The following RALGPS2 variants were observed in gnomAD, a reference collection of about 807,000 sequenced individuals.
RALGPS2 encodes the protein ras-specific guanine nucleotide-releasing factor RalGPS2.
A neutral mutation model predicts 86.8 loss-of-function variants in RALGPS2; 43 were observed. The ratio of observed to expected loss-of-function variants is 0.50; its 90% CI spans 0.39 to 0.64. RALGPS2 has a LOEUF of 0.64. RALGPS2 is among the 30% of genes least tolerant of loss of function. The probability of loss-of-function intolerance (pLI) is 0.00; values close to 1 mark genes in which losing one functional copy is unlikely to be tolerated. For missense variants in RALGPS2, 536 were observed against 694.6 expected, an observed-to-expected ratio of 0.77 and a Z score of 2.57; for synonymous variants, 243 against 231.3, an observed-to-expected ratio of 1.05 and a Z score of -0.46.
At position 178,885,950 on chromosome 1, in the gene RALGPS2, CT is replaced by C. The variant is rs773944312; in HGVS notation, c.1041-11del. On this transcript the variant is annotated intron_variant, in intron 12 of 19. Coordinates refer to ENST00000367635, the MANE Select transcript of RALGPS2 (RefSeq NM_152663.5). ...TAGTAACAATAATAAAAGATATGAA[CT>C]TTTTTTTCTGTTTCTAGTTTCATTC... The C allele has an allele frequency of 2.1e-5, 32 of 1,555,930 alleles. No individual in the cohort carries two copies. Among genetic ancestry groups the C allele is most frequent in the East Asian group, 9.1e-5 (4 of 44,126 alleles).
Position 178,725,322 on chromosome 1 carries a change from G to A in RALGPS2, c.-181G>A, listed in dbSNP as rs1329165172. Reference sequence around the variant, plus strand: ...TGAATGAGAGACGGTGACTGTTCGGGTCGACGAGTGCTACTCTAGGCGGCG... The same window carrying A: ...TGAATGAGAGACGGTGACTGTTCGGATCGACGAGTGCTACTCTAGGCGGCG... On this transcript the variant is annotated 5_prime_UTR_variant, in exon 1 of 20. Transcript: ENST00000367635. The A allele has an allele frequency of 6.0e-6, 1 of 166,338 alleles. No homozygotes were observed. Among genetic ancestry groups the A allele is most frequent in the Non-Finnish European group, 1.3e-5 (1 of 79,088 alleles). 10.3% of individuals were successfully genotyped at this position (166,338 alleles called of 1,614,324 possible). A position where few individuals can be genotyped will look rare whatever the true frequency, so the allele number is the denominator to read the frequency against.
At chr1:178,749,543 G>A (rs1370999356) in intron 1 of RALGPS2, among the ~76,000 whole-genome samples, 1 of 152,204 alleles carries the variant, frequency 6.6e-6, no homozygotes, top group Non-Finnish European at 1.5e-5. Context: ...TGGAAGAATA[G>A]GGGAAGGACA....
At chr1:178,868,154 A>G (rs778918809) in intron 8 of RALGPS2, among the ~76,000 whole-genome samples, 3 of 151,918 alleles carry the variant, frequency 2.0e-5, no homozygotes, top group Non-Finnish European at 2.9e-5. Flanking sequence ...TCTGACATAT[A>G]TAGAAAATTT....
intron 13 of RALGPS2, 144 bp from the exon 14 acceptor site, chr1:178,889,493 TTAGAA>T (rs1659629879): frequency 3.3e-6 from 2 of 598,664 alleles, no homozygotes; most frequent in Non-Finnish European, 5.9e-6. Context: ...AGCAGTAATA[TTAGAA>T]TAAAGAATTA....
chr1:178,782,381 T>C (rs1333309511), intron 2 of RALGPS2, among the ~76,000 whole-genome samples: 1 of 152,140 alleles, frequency 6.6e-6, no homozygotes, highest in African/African-American at 2.4e-5. Flanking sequence ...AGCAGCCATT[T>C]TGAAATACAC....
At chr1:178,764,053 G>T (rs1652379156) in intron 1 of RALGPS2, among the ~76,000 whole-genome samples, 1 of 152,020 alleles carries the variant, frequency 6.6e-6, no homozygotes, top group Non-Finnish European at 1.5e-5. Flanking sequence ...TCTGCCTGTT[G>T]TCAGTGAGGT....
chr1:178,891,465 G>A (rs1039144591), intron 14 of RALGPS2, among the ~76,000 whole-genome samples: 7 of 151,968 alleles, frequency 4.6e-5, no homozygotes, highest in Non-Finnish European at 5.9e-5. Flanking sequence ...ATACATTGTT[G>A]TCTTTTTTTC....
intron 8 of RALGPS2, among the ~76,000 whole-genome samples, chr1:178,863,219 G>GCCCC (rs1658154215): frequency 3.3e-5 from 5 of 152,172 alleles, no homozygotes; most frequent in Admixed American, 2.6e-4. Context: ...AAGGGGACAT[G>GCCCC]AGTAGAATTC....
chr1:178,767,691 G>C (rs1453468000), intron 1 of RALGPS2, among the ~76,000 whole-genome samples: 1 of 152,126 alleles, frequency 6.6e-6, no homozygotes, highest in Non-Finnish European at 1.5e-5. Flanking sequence ...TGGCCTGTCT[G>C]GCTACAAGAG....
intron 6 of RALGPS2, among the ~76,000 whole-genome samples, chr1:178,815,995 C>T (rs1032461307): frequency 6.6e-6 from 1 of 152,124 alleles, no homozygotes. Flanking sequence ...TATTAATGCA[C>T]ATATTGTTTT....
chr1:178,833,643 G>T (rs969092283), intron 8 of RALGPS2, 93 bp downstream of exon 8: 23 of 1,462,942 alleles, frequency 1.6e-5, no homozygotes, highest in African/African-American at 3.0e-5. Flanking sequence ...TTAAATGTTT[G>T]TATCTTTTAA....
chr1:178,915,311 C>T (rs898642454), intron 19 of RALGPS2, among the ~76,000 whole-genome samples: 1 of 152,194 alleles, frequency 6.6e-6, no homozygotes, highest in Non-Finnish European at 1.5e-5. Context: ...TCTTGGCTCA[C>T]TGCAACCTCT....
chr1:178,739,334 G>A (rs1171849576), intron 1 of RALGPS2, among the ~76,000 whole-genome samples: 1 of 152,172 alleles, frequency 6.6e-6, no homozygotes, highest in African/African-American at 2.4e-5. Context: ...TGTCTTCTTG[G>A]TCAGAGACAG....
At chr1:178,908,102 G>T (rs1660463721) in intron 19 of RALGPS2, among the ~76,000 whole-genome samples, 1 of 151,974 alleles carries the variant, frequency 6.6e-6, no homozygotes, top group South Asian at 2.1e-4. Flanking sequence ...TCCCCACTCT[G>T]GTAATGCTCA....
At chr1:178,796,344 A>G (rs1654188939) in intron 4 of RALGPS2, among the ~76,000 whole-genome samples, 1 of 152,226 alleles carries the variant, frequency 6.6e-6, no homozygotes, top group African/African-American at 2.4e-5. Flanking sequence ...GTTAAGATAT[A>G]GGAATAGTAG....
At chr1:178,859,938 C>T (rs1015199323) in intron 8 of RALGPS2, among the ~76,000 whole-genome samples, 1 of 151,242 alleles carries the variant, frequency 6.6e-6, no homozygotes, top group Non-Finnish European at 1.5e-5. Context: ...AGGATGGTCT[C>T]GATCTCCTGA....
chr1:178,728,615 C>T (rs1650163971), intron 1 of RALGPS2, among the ~76,000 whole-genome samples: 1 of 151,942 alleles, frequency 6.6e-6, no homozygotes, highest in Non-Finnish European at 1.5e-5. Flanking sequence ...ATTCAAATAG[C>T]TTGAAACTAC....
At chr1:178,897,532 G>A in intron 16 of RALGPS2, 132 bp from the exon 17 acceptor site, 2 of 674,000 alleles carry the variant, frequency 3.0e-6, no homozygotes, top group East Asian at 2.6e-5. Flanking sequence ...GATTTCAGAA[G>A]TGATACAGCT....
chr1:178,791,722 A>G (rs1325072052), intron 4 of RALGPS2, among the ~76,000 whole-genome samples: 1 of 152,020 alleles, frequency 6.6e-6, no homozygotes, highest in African/African-American at 2.4e-5. Flanking sequence ...TGCATTTTCA[A>G]CTCTCGTATG....
Sources: allele counts gnomAD v4.1 joint callset (sites outside exome capture counted in the v4.1 genomes callset), GRCh38; gene constraint gnomAD v4.1.1; transcripts MANE v1.5; gene names NCBI Gene and HGNC (gene_info 2026-07-23, HGNC 2026-07-21).